The following UBE2R2 variants were observed in gnomAD, a reference collection of about 807,000 sequenced individuals.
UBE2R2 encodes the protein ubiquitin conjugating enzyme E2 R2, also known as ubiquitin-conjugating enzyme E2 R2.
In UBE2R2, 1 loss-of-function variant was observed where a neutral mutation model predicts 27.8. The ratio of observed to expected loss-of-function variants is 0.04; its 90% CI spans 0.01 to 0.17. The LOEUF is 0.17. Ranked by LOEUF, UBE2R2 falls within the 10% of genes least tolerant of loss-of-function variation. The pLI, the probability that UBE2R2 is intolerant of heterozygous loss-of-function variation, is 1.00. For missense variants in UBE2R2, 100 were observed against 291.0 expected (o/e 0.34, Z 4.78); for synonymous variants, 106 against 113.3 (o/e 0.94, Z 0.41).
intron 1 of UBE2R2, among the ~76,000 whole-genome samples, chr9:33,857,543 T>C (rs994523098): frequency 1.3e-5 from 2 of 152,166 alleles, no homozygotes; most frequent in African/African-American, 2.4e-5. Context: ...CTGGAACTTC[T>C]GACCTCAGGT....
At chr9:33,815,280 G>A (rs545750115), upstream of UBE2R2, among the ~76,000 whole-genome samples, 11 of 152,310 alleles carry the variant, frequency 7.2e-5, no homozygotes, top group African/African-American at 2.4e-4. Context: ...AACAGCAAAA[G>A]GTCAGTAGGT....
intron 1 of UBE2R2, among the ~76,000 whole-genome samples, chr9:33,881,327 A>G (rs562223934): frequency 3.6e-4 from 55 of 152,332 alleles, no homozygotes; most frequent in Admixed American, 1.4e-3. Flanking sequence ...TGCATATACC[A>G]TAAAATTCAC....
chr9:33,815,430 T>G (rs564860322), upstream of UBE2R2, among the ~76,000 whole-genome samples: 93 of 152,242 alleles, frequency 6.1e-4, no homozygotes, highest in Non-Finnish European at 1.2e-3. Context: ...TTGACTATCT[T>G]TTCAATTTTT....
rs543461377 is a variant in UBE2R2 at position 33,886,483 on chromosome 9, C to T, written c.178-398C>T. The stretch of plus-strand genomic sequence containing the variant: ...CATCCTGGCCAACATGGTGAAACCC[C>T]GTCTCTACTAAAAATACAAAAATTA... On this transcript the variant is annotated intron_variant, in intron 1 of 4. Transcript: ENST00000263228. Among the ~76,000 whole-genome samples the T allele has an allele frequency of 2.0e-5, 3 of 151,966 alleles. 1 individual carries two copies. Among genetic ancestry groups the T allele is most frequent in the African/African-American group, 4.8e-5 (2 of 41,448 alleles).
At chr9:33,818,044 G>T (rs1340619738) in intron 1 of UBE2R2, 110 bp downstream of exon 1, 1 of 1,309,286 alleles carries the variant, frequency 7.6e-7, no homozygotes, top group Non-Finnish European at 1.0e-6. Context: ...AGTGGAGGGG[G>T]CTTCTCACCC....
chr9:33,887,131 A>C (rs1328678008), intron 2 of UBE2R2, among the ~76,000 whole-genome samples, 164 bp downstream of exon 2: 1 of 152,208 alleles, frequency 6.6e-6, no homozygotes, highest in Non-Finnish European at 1.5e-5. Flanking sequence ...ATTATTTAAC[A>C]TTAGTGTAGT....
chr9:33,915,004 C>A (rs145440669), intron 4 of UBE2R2, among the ~76,000 whole-genome samples: 3 of 151,988 alleles, frequency 2.0e-5, no homozygotes, highest in African/African-American at 4.8e-5. Context: ...GTGGCTTATA[C>A]CTGTAATCCC....
Position 33,817,205 on chromosome 9 carries a change from C to T in UBE2R2, c.-553C>T, listed in dbSNP as rs1260371178. On this transcript the variant is annotated 5_prime_UTR_variant, in exon 1 of 5. Transcript: ENST00000263228. ...CCGCGGCGCGAGGCGCTCTCGCTCT[C>T]CTCCTCCTCCGCCGTCGCCCCTCCC... Among the ~76,000 whole-genome samples the T allele has an allele frequency of 2.7e-5, 4 of 148,432 alleles. No homozygotes were observed. The highest frequency in any genetic ancestry group is 7.4e-5 in the African/African-American group (3 of 40,484).
At chr9:33,836,905 G>T (rs1352415007) in intron 1 of UBE2R2, among the ~76,000 whole-genome samples, 2 of 152,058 alleles carry the variant, frequency 1.3e-5, no homozygotes, top group Non-Finnish European at 2.9e-5. Flanking sequence ...GAATTTCGAG[G>T]ACATTACTGT....
rs534079120 is a variant in UBE2R2, at chr9:33,855,491, T to A, written c.178-31390T>A. ...TGTTTTTCCTGGGGTTTTCAGCTAC[T>A]CTGTTTGGTTATGTATATTGGGGAA... On this transcript the variant is annotated intron_variant, in intron 1 of 4. Coordinates refer to ENST00000263228, the MANE Select transcript of UBE2R2 (RefSeq NM_017811.4). Among the ~76,000 whole-genome samples the A allele has an allele frequency of 7.9e-5, 12 of 152,320 alleles. No homozygotes were observed. The South Asian group carries it at 2.5e-3, about 32-fold the overall frequency.
chr9:33,846,167 G>C (rs1020197178), intron 1 of UBE2R2, among the ~76,000 whole-genome samples: 1 of 151,256 alleles, frequency 6.6e-6, no homozygotes, highest in Non-Finnish European at 1.5e-5. Flanking sequence ...GTGGTGGCAC[G>C]AGCCTGTAAT....
At chr9:33,821,719 G>T (rs536889809) in intron 1 of UBE2R2, among the ~76,000 whole-genome samples, 2 of 151,774 alleles carry the variant, frequency 1.3e-5, no homozygotes, top group East Asian at 1.9e-4. Context: ...GGGTTCAAGC[G>T]ATTCTCTTGC....
At chr9:33,865,476 G>T (rs562739772) in intron 1 of UBE2R2, among the ~76,000 whole-genome samples, 2 of 152,140 alleles carry the variant, frequency 1.3e-5, no homozygotes, top group East Asian at 1.9e-4. Context: ...GATTACAGGC[G>T]TGAGCCACCA....
In UBE2R2 at chr9:33,917,562, T is replaced by C. The variant is rs969019781; in HGVS notation, c.*325T>C. The stretch of plus-strand genomic sequence containing the variant: ...AATGTTCACAGCAAAACACGTTTGG[T>C]CTGTTTTTAGATTCTTGAAGAATTC... On this transcript the variant is annotated 3_prime_UTR_variant, in exon 5 of 5. Coordinates refer to ENST00000263228, the MANE Select transcript of UBE2R2 (RefSeq NM_017811.4). The C allele has an allele frequency of 4.1e-6, 2 of 493,258 alleles. No homozygotes were observed. Among genetic ancestry groups the C allele is most frequent in the African/African-American group, 2.0e-5 (1 of 50,958 alleles). The allele number at this position is 493,258 out of a possible 1,614,324, so 30.6% of individuals were successfully genotyped here. A position where few individuals can be genotyped will look rare whatever the true frequency, so the allele number is the denominator to read the frequency against.
chr9:33,832,838 A>G (rs184680568), intron 1 of UBE2R2, among the ~76,000 whole-genome samples: 2 of 152,268 alleles, frequency 1.3e-5, no homozygotes, highest in East Asian at 1.9e-4. Context: ...TAATCTTTTT[A>G]GTTACATAGT....
chr9:33,819,562 G>A (rs1391741778), intron 1 of UBE2R2, among the ~76,000 whole-genome samples: 1 of 152,060 alleles, frequency 6.6e-6, no homozygotes, highest in East Asian at 1.9e-4. Flanking sequence ...TTATGATGAA[G>A]CATATTCTCT....
At chr9:33,868,347 G>T (rs1308352640) in intron 1 of UBE2R2, among the ~76,000 whole-genome samples, 1 of 152,158 alleles carries the variant, frequency 6.6e-6, no homozygotes, top group Non-Finnish European at 1.5e-5. Context: ...ACTTAAGGGT[G>T]GGGCTTAGCC....
chr9:33,824,547 G>A, intron 1 of UBE2R2, among the ~76,000 whole-genome samples: 1 of 151,956 alleles, frequency 6.6e-6, no homozygotes, highest in Admixed American at 6.6e-5. Flanking sequence ...GCTGAGGCAG[G>A]AGAATGGCGT....
At chr9:33,851,025 A>T (rs1820955386) in intron 1 of UBE2R2, among the ~76,000 whole-genome samples, 1 of 152,216 alleles carries the variant, frequency 6.6e-6, no homozygotes, top group African/African-American at 2.4e-5. Context: ...TTGGCCTTCC[A>T]GGCCTTTTCT....
Sources: allele counts gnomAD v4.1 joint callset (sites outside exome capture counted in the v4.1 genomes callset), GRCh38; gene constraint gnomAD v4.1.1; transcripts MANE v1.5; gene names NCBI Gene and HGNC (gene_info 2026-07-23, HGNC 2026-07-21).